Variants in RPL10 observed in about 807,000 individuals in gnomAD.
The protein encoded by RPL10 is ribosomal protein L10, also known as large ribosomal subunit protein uL16.
RPL10 carries 1 observed loss-of-function variant against 15.7 expected under a neutral mutation model. The ratio of observed to expected loss-of-function variants is 0.06; its 90% CI spans 0.02 to 0.30. RPL10 has a LOEUF of 0.30. RPL10 is among the 10% of genes least tolerant of loss of function. The pLI is 1.00. For synonymous variants in RPL10, 59 were observed against 64.0 expected, an observed-to-expected ratio of 0.92 and a Z score of 0.37; for missense variants, 54 against 183.4, an observed-to-expected ratio of 0.29 and a Z score of 4.08.
Position 154,401,602 on chromosome X carries a change from TGAG to T in RPL10, c.*749_*751del, listed in dbSNP as rs1324839769. 1 of 111,833 alleles carries T rather than the reference TGAG, an allele frequency of 8.9e-6. No homozygotes were observed. Among genetic ancestry groups the T allele is most frequent in the Non-Finnish European group, 1.9e-5 (1 of 53,543 alleles). The allele number at this position is 111,833 out of a possible 1,213,427, so 9.2% of individuals were successfully genotyped here. On this transcript the variant is annotated 3_prime_UTR_variant, in exon 7 of 7. Transcript: ENST00000369817. ...CTGGCTTTTGGGGGAGCAGCAAAAA[TGAG>T]AGGAGTGCTAGGTGGGTGGCCTGAG...
At chrX:154,399,253 C>T (rs1569552256) in intron 2 of RPL10, 85 bp from the exon 3 acceptor site, 1 of 974,435 alleles carries the variant, frequency 1.0e-6, no homozygotes. Flanking sequence ...TCCCGTCCCT[C>T]GTTTGGGTTG....
intron 2 of RPL10, 24 bp downstream of exon 2, chrX:154,398,566 T>A (rs1557184943): frequency 8.3e-7 from 1 of 1,210,589 alleles, no homozygotes; most frequent in Admixed American, 2.2e-5. Context: ...CCGTGTACTT[T>A]CACTGCTGGG....
At chrX:154,398,860 C>T (rs1468179392) in intron 2 of RPL10, 4 of 385,817 alleles carry the variant, frequency 1.0e-5, no homozygotes, top group Non-Finnish European at 1.9e-5. Flanking sequence ...GGCGACGTGC[C>T]GCGTGCGTTG....
rs147120995 is a variant in RPL10, at chrX:154,399,392, C to A, written c.78C>A (p.Val26=). 4 of 1,210,002 alleles carry A rather than the reference C, an allele frequency of 3.3e-6. No individual in the cohort carries two copies. Among genetic ancestry groups the A allele is most frequent in the Non-Finnish European group, 4.5e-6 (4 of 895,057 alleles). ...CAAAGTCTCGCTTCTGCCGAGGTGT[C>A]CCTGGTAAGTAGTGGAAGAGCCCCT... ...PYPKSRFCRG[V]PDAKIRIFDL... The change falls in exon 3 of 7, where the codon GTC becomes GTA. Residue 26 remains valine, a synonymous_variant. Coordinates refer to ENST00000369817, the MANE Select transcript of RPL10 (RefSeq NM_006013.5).
intron 5 of RPL10, 41 bp downstream of exon 5, chrX:154,399,982 A>G (rs368729520): frequency 2.1e-5 from 25 of 1,199,627 alleles, no homozygotes; most frequent in Non-Finnish European, 2.7e-5. Flanking sequence ...TGGAGTCTCT[A>G]CATTATTAGG....
chrX:154,400,312 C>T (rs1557185672), intron 5 of RPL10, 152 bp from the exon 6 acceptor site: 2 of 658,261 alleles, frequency 3.0e-6, no homozygotes, highest in Admixed American at 2.2e-5. Flanking sequence ...GAGTTCCTTT[C>T]CTCATGGGGA....
rs1557184850 is a variant in RPL10 at position 154,398,395 on chromosome X, G to T, written c.-24+1G>T. 2.3e-6 allele frequency: 2 copies of T among 873,765 alleles called. No individual in the cohort carries two copies. The highest frequency in any genetic ancestry group is 4.4e-5 in the Admixed American group (2 of 45,597). 72.0% of individuals were successfully genotyped at this position (873,765 alleles called of 1,213,427 possible). ...GGAGCGCCTCTTTCCCTTCGGTGTG[G>T]TGAGTAAGCGCAGTTGTCGTCTCTT... On this transcript the variant is annotated splice_donor_variant, in intron 1 of 6. Coordinates refer to ENST00000369817, the MANE Select transcript of RPL10 (RefSeq NM_006013.5). LOFTEE classifies it low-confidence loss of function (5UTR_SPLICE).
chrX:154,400,208 A>G (rs782315417), intron 5 of RPL10: 13 of 556,708 alleles, frequency 2.3e-5, no homozygotes, highest in East Asian at 1.6e-4. Context: ...CTGAATGACA[A>G]CCATCTTGCC....
At chrX:154,398,764 TCTGC>T (rs1452693744) in intron 2 of RPL10, 1 of 458,612 alleles carries the variant, frequency 2.2e-6, no homozygotes, top group African/African-American at 2.5e-5. Flanking sequence ...CCCTCGTATC[TCTGC>T]CTGTGTCCTG....
At chrX:154,399,623 C>T (rs782047258) in intron 4 of RPL10, 29 bp downstream of exon 4, 3 of 1,182,239 alleles carry the variant, frequency 2.5e-6, no homozygotes, top group Non-Finnish European at 3.4e-6. Context: ...TTCGTCACCC[C>T]CCAGTCCTTC....
chrX:154,398,432 G>C, intron 1 of RPL10, 38 bp downstream of exon 1: 1 of 1,119,452 alleles, frequency 8.9e-7, no homozygotes, highest in Non-Finnish European at 1.2e-6. Context: ...CGGTGCCGTT[G>C]CTGGTTCTCA....
Position 154,399,867 on chromosome X carries a change from C to T in RPL10, c.255C>T (p.Phe85=), listed in dbSNP as rs782752245. Residue 85 remains phenylalanine, a synonymous_variant, in exon 5 of 7, where the codon TTC becomes TTT. Transcript: ENST00000369817. ...YMVKSCGKDG[F]HIRVRLHPFH... ...TAAAAAGTTGTGGCAAAGATGGCTT[C>T]CATATCCGGGTGCGGCTCCACCCCT... 11 of 1,212,060 alleles carry T rather than the reference C, an allele frequency of 9.1e-6. No individual in the cohort carries two copies. The highest frequency in any genetic ancestry group is 3.0e-5 in the East Asian group (1 of 33,877).
In RPL10 at chrX:154,400,848, C is replaced by T; in HGVS notation, c.639C>T (p.His213=). ...RGPLDKWRAL[H]S is the part of the protein sequence containing the mutation. ...CTCTGGACAAGTGGCGGGCCCTGCACTCATGAGGGCTTCCAATGTGCTGCC... is the reference window on the plus strand; with the variant it reads ...CTCTGGACAAGTGGCGGGCCCTGCATTCATGAGGGCTTCCAATGTGCTGCC... Residue 213 remains histidine (H), a synonymous_variant, in exon 7 of 7, where the codon CAC becomes CAT. Transcript: ENST00000369817. The T allele has an allele frequency of 8.3e-7, 1 of 1,211,348 alleles. No individual in the cohort carries two copies. The highest frequency in any genetic ancestry group is 1.1e-6 in the Non-Finnish European group (1 of 895,296).
intron 6 of RPL10, 21 bp downstream of exon 6, chrX:154,400,647 C>T: frequency 1.7e-6 from 2 of 1,211,600 alleles, no homozygotes; most frequent in South Asian, 1.8e-5. Context: ...CTGCAGCCCC[C>T]TTCTCCCACC....
rs2068016381 is a variant in RPL10, at chrX:154,400,879, CTTAATACT to C, written c.*26_*33del. On this transcript the variant is annotated 3_prime_UTR_variant, in exon 7 of 7. Coordinates refer to ENST00000369817, the MANE Select transcript of RPL10 (RefSeq NM_006013.5). ...AGGGCTTCCAATGTGCTGCCCCCCT[CTTAATACT>C]CACCAATAAATTCTACTTCCTGTCC... is the stretch of plus-strand genomic sequence containing the variant. 2 of 1,209,414 alleles carry C rather than the reference CTTAATACT, an allele frequency of 1.7e-6. No homozygotes were observed. Among genetic ancestry groups the C allele is most frequent in the Non-Finnish European group, 2.2e-6 (2 of 894,967 alleles).
chrX:154,398,245 G>A (rs1557184749), upstream of RPL10: 1 of 499,296 alleles, frequency 2.0e-6, no homozygotes, highest in South Asian at 2.4e-5. Context: ...ACGCCCGGGC[G>A]CAAGCGCCAA....
In RPL10 at chrX:154,401,508, CAG is replaced by C. The variant is rs2068033972; in HGVS notation, c.*656_*657del. ...GGTCATTTGTAACAAGACCTCGGAA[CAG>C]ACACGTGTGTGGCATGGTTTGGCCT... On this transcript the variant is annotated 3_prime_UTR_variant, in exon 7 of 7. Transcript: ENST00000369817. The C allele has an allele frequency of 8.3e-6, 1 of 121,193 alleles. No homozygotes were observed. The highest frequency in any genetic ancestry group is 1.7e-5 in the Non-Finnish European group (1 of 58,197). 10.0% of individuals were successfully genotyped at this position (121,193 alleles called of 1,213,427 possible).
intron 4 of RPL10, 36 bp downstream of exon 4, chrX:154,399,630 C>T (rs781828894): frequency 1.0e-5 from 12 of 1,179,249 alleles, no homozygotes; most frequent in Non-Finnish European, 1.3e-5. Context: ...CCCCCCAGTC[C>T]TTCCTCCGTG....
chrX:154,398,789 G>A (rs2067962813), intron 2 of RPL10: 1 of 440,093 alleles, frequency 2.3e-6, no homozygotes, highest in Non-Finnish European at 4.1e-6. Context: ...CAAGCTCACC[G>A]CATTTTCGGG....
Sources: allele counts gnomAD v4.1 joint callset, GRCh38; gene constraint gnomAD v4.1.1; transcripts MANE v1.5; gene names NCBI Gene and HGNC (gene_info 2026-07-23, HGNC 2026-07-21).